The following APBB2 variants were observed in gnomAD, a reference collection of about 807,000 sequenced individuals.
The protein encoded by APBB2 is Fe65-like 1.
In APBB2, 38 loss-of-function variants were observed where a neutral mutation model predicts 82.5. That is an observed-to-expected ratio of 0.46 (90% CI 0.36 to 0.60). APBB2 has a LOEUF of 0.60. Ranked by LOEUF, APBB2 falls within the 20% of genes least tolerant of loss-of-function variation. The pLI is 0.00. For synonymous variants in APBB2, 341 were observed against 368.2 expected (o/e 0.93, Z 0.85); for missense variants, 772 against 972.3 (o/e 0.79, Z 2.74).
intron 4 of APBB2, among the ~76,000 whole-genome samples, chr4:41,059,373 A>G (rs1728941117): frequency 1.3e-5 from 2 of 152,264 alleles, no homozygotes; most frequent in Non-Finnish European, 2.9e-5. Context: ...AGACAGGAGA[A>G]TTGCTTGAAC....
At chr4:41,002,112 T>A (rs892457872) in intron 6 of APBB2, among the ~76,000 whole-genome samples, 4 of 152,184 alleles carry the variant, frequency 2.6e-5, no homozygotes, top group African/African-American at 7.2e-5. Context: ...ACCCAAGGGT[T>A]CTAATGAGGA....
chr4:40,930,027 A>G (rs2154372814), intron 10 of APBB2, among the ~76,000 whole-genome samples: 1 of 152,318 alleles, frequency 6.6e-6, no homozygotes, highest in South Asian at 2.1e-4. Flanking sequence ...AGCATGTGAA[A>G]TAATTTTTCA....
intron 10 of APBB2, 143 bp from the exon 11 acceptor site, chr4:40,893,554 T>G: frequency 1.4e-6 from 1 of 718,606 alleles, no homozygotes; most frequent in South Asian, 3.1e-5. Context: ...TCTAATTGAG[T>G]TAACAAATCC....
chr4:41,095,260 A>C (rs979802896), intron 3 of APBB2, among the ~76,000 whole-genome samples: 3 of 152,250 alleles, frequency 2.0e-5, no homozygotes, highest in African/African-American at 7.2e-5. Flanking sequence ...ATAAGATTAA[A>C]TAAAATAAAA....
intron 6 of APBB2, among the ~76,000 whole-genome samples, chr4:40,946,251 AAAAC>A (rs1416328126): frequency 2.0e-5 from 3 of 150,586 alleles, no homozygotes; most frequent in East Asian, 3.9e-4. Context: ...AAAAAAAAAA[AAAAC>A]ATTCCCAAGG....
chr4:40,922,715 G>A (rs1578454058), intron 10 of APBB2, among the ~76,000 whole-genome samples: 1 of 151,802 alleles, frequency 6.6e-6, no homozygotes, highest in Non-Finnish European at 1.5e-5. Flanking sequence ...GGCTCAAGTC[G>A]TCTTCCCACG....
intron 12 of APBB2, chr4:40,842,316 G>A (rs958154484): frequency 2.2e-6 from 1 of 445,984 alleles, no homozygotes; most frequent in African/African-American, 2.0e-5. Flanking sequence ...AGTGAGCTTT[G>A]CCAGACACGT....
At chr4:41,007,340 C>G (rs1424591050) in intron 6 of APBB2, among the ~76,000 whole-genome samples, 2 of 151,796 alleles carry the variant, frequency 1.3e-5, no homozygotes, top group Admixed American at 1.3e-4. Context: ...TGCTCTTGGA[C>G]TTCCCAGCCT....
chr4:41,096,946 A>G (rs1186831803), intron 3 of APBB2, among the ~76,000 whole-genome samples: 1 of 152,208 alleles, frequency 6.6e-6, no homozygotes. Flanking sequence ...TGCTCAACAA[A>G]TGTTCGCTCA....
chr4:41,002,708 T>C (rs1228183345), intron 6 of APBB2, among the ~76,000 whole-genome samples: 1 of 152,210 alleles, frequency 6.6e-6, no homozygotes, highest in African/African-American at 2.4e-5. Flanking sequence ...TTATGTAAAA[T>C]ATCTCAATTT....
intron 1 of APBB2, among the ~76,000 whole-genome samples, chr4:41,194,596 G>C: frequency 6.6e-6 from 1 of 152,176 alleles, no homozygotes; most frequent in Non-Finnish European, 1.5e-5. Context: ...TCTGAGGATG[G>C]ATGGCCACAG....
chr4:40,978,183 G>A (rs1286307888), intron 6 of APBB2, among the ~76,000 whole-genome samples: 1 of 152,182 alleles, frequency 6.6e-6, no homozygotes, highest in Non-Finnish European at 1.5e-5. Context: ...CAGCAAGCTT[G>A]CCCCAAATCA....
At chr4:41,165,933 G>A (rs1464366946) in intron 1 of APBB2, among the ~76,000 whole-genome samples, 2 of 147,816 alleles carry the variant, frequency 1.4e-5, no homozygotes, top group African/African-American at 2.5e-5. Context: ...GAGTGCAGTG[G>A]CGCGATCTCC....
At chr4:40,869,682 C>A (rs1208895886) in intron 12 of APBB2, among the ~76,000 whole-genome samples, 1 of 151,064 alleles carries the variant, frequency 6.6e-6, no homozygotes, top group Non-Finnish European at 1.5e-5. Context: ...ATTCTGAAGG[C>A]AGACAAGGAA....
At position 40,821,967 on chromosome 4, in the gene APBB2, G is replaced by A. The variant is rs963099402; in HGVS notation, c.2016C>T (p.Phe672=). Residue 672 remains phenylalanine, a synonymous_variant, in exon 17 of 18, where the codon TTC becomes TTT. Transcript: ENST00000508593. ...GVGKDVHTFA[F]IMDTGNQRFE... is the part of the protein sequence containing the mutation. Reference sequence around the variant, plus strand: ...AGCGCTGGTTCCCCGTGTCCATGATGAAGGCAAATGTGTGGACGTCCTTCC... The same window carrying A: ...AGCGCTGGTTCCCCGTGTCCATGATAAAGGCAAATGTGTGGACGTCCTTCC... 7.4e-6 allele frequency: 12 copies of A among 1,614,188 alleles called. No homozygotes were observed. The highest frequency in any genetic ancestry group is 9.3e-6 in the Non-Finnish European group (11 of 1,180,048).
chr4:41,157,367 A>AAGGCC (rs1763743029), intron 1 of APBB2, among the ~76,000 whole-genome samples: 1 of 152,210 alleles, frequency 6.6e-6, no homozygotes, highest in African/African-American at 2.4e-5. Context: ...TAGGTTGGTG[A>AAGGCC]AGGCCAACAG....
intron 6 of APBB2, among the ~76,000 whole-genome samples, chr4:40,987,335 AGTT>A (rs1229672131): frequency 6.6e-6 from 1 of 152,226 alleles, no homozygotes; most frequent in Non-Finnish European, 1.5e-5. Flanking sequence ...ATTTGGCAGA[AGTT>A]GTTTTCTTTC....
intron 6 of APBB2, among the ~76,000 whole-genome samples, chr4:40,953,278 A>G (rs1354098701): frequency 8.1e-5 from 12 of 148,656 alleles, no homozygotes; most frequent in African/African-American, 2.8e-4. Flanking sequence ...CCTGGGCAAC[A>G]AGAGCAAAAC....
chr4:40,833,846 T>G (rs1231266466), intron 12 of APBB2, among the ~76,000 whole-genome samples: 1 of 152,192 alleles, frequency 6.6e-6, no homozygotes, highest in East Asian at 1.9e-4. Context: ...GCGTGCAACA[T>G]CCCAAGGTTA....
Sources: gnomAD v4.1 joint callset for allele counts (sites outside exome capture counted in the v4.1 genomes callset) on GRCh38, gnomAD v4.1.1 for gene constraint, MANE v1.5 for transcripts, NCBI Gene and HGNC (gene_info 2026-07-23, HGNC 2026-07-21) for gene names.